NKD2: variants seen among roughly 807,000 people sequenced by gnomAD.
The protein encoded by NKD2 is protein naked cuticle homolog 2.
Under a neutral mutation model 34.8 loss-of-function variants are expected in NKD2, and 43 were observed. The observed-to-expected ratio is 1.24, with a 90% CI of 0.97 to 1.60. NKD2 has a LOEUF of 1.60. NKD2 is among the 40% of genes most tolerant of loss of function. The pLI is 0.00. For missense variants in NKD2, 675 were observed against 627.1 expected, an observed-to-expected ratio of 1.08 and a Z score of -0.82; for synonymous variants, 278 against 265.1, an observed-to-expected ratio of 1.05 and a Z score of -0.47.
chr5:1,012,486 G>A (rs1355774663), intron 3 of NKD2, among the ~76,000 whole-genome samples: 2 of 152,248 alleles, frequency 1.3e-5, no homozygotes, highest in African/African-American at 4.8e-5. Flanking sequence ...TTCTGAGTGT[G>A]CCAACATGGT....
chr5:1,034,250 G>C lies in NKD2; in HGVS notation c.346G>C (p.Val116Leu), dbSNP rs201833588. The change falls in exon 6 of 10, where the codon GTC (valine) becomes CTC (leucine). Residue 116 changes from valine (V) to leucine (L), a missense_variant. Transcript: ENST00000296849. ...RLNIDALQCDVSVEEDDRQEW... is the reference protein window; with the variant it reads ...RLNIDALQCDLSVEEDDRQEW... ...CCCCCCACAGGCACTCCAGTGCGAT[G>C]TCTCGGTGGAGGAGGACGACCGCCA... 3 of 1,612,106 alleles carry C rather than the reference G, an allele frequency of 1.9e-6. No individual in the cohort carries two copies. Among genetic ancestry groups the C allele is most frequent in the Non-Finnish European group, 1.7e-6 (2 of 1,179,812 alleles).
intron 3 of NKD2, among the ~76,000 whole-genome samples, chr5:1,031,886 T>A (rs772820986): frequency 6.6e-6 from 1 of 152,184 alleles, no homozygotes; most frequent in Non-Finnish European, 1.5e-5. Flanking sequence ...CAGCACTGAC[T>A]GAAGGGGTCA....
At chr5:1,036,507 C>CCCA (rs1733950710) in intron 9 of NKD2, 123 bp downstream of exon 9, 2 of 606,952 alleles carry the variant, frequency 3.3e-6, no homozygotes, top group East Asian at 3.0e-5. Flanking sequence ...CCCCCAACCC[C>CCCA]CCCCACCCCA....
chr5:1,011,831 C>T (rs980933320), intron 3 of NKD2, among the ~76,000 whole-genome samples: 1 of 152,262 alleles, frequency 6.6e-6, no homozygotes, highest in African/African-American at 2.4e-5. Flanking sequence ...TCTCTGCACC[C>T]CCGACGTGGC....
intron 3 of NKD2, among the ~76,000 whole-genome samples, chr5:1,028,680 G>A (rs1220309715): frequency 3.3e-5 from 5 of 152,042 alleles, no homozygotes; most frequent in Admixed American, 6.5e-5. Context: ...TAGAGGAGGC[G>A]CCTAGGCACC....
chr5:1,028,648 G>C (rs1031286902), intron 3 of NKD2, among the ~76,000 whole-genome samples: 6 of 152,160 alleles, frequency 3.9e-5, no homozygotes, highest in African/African-American at 1.2e-4. Flanking sequence ...GGTTCTCAGG[G>C]ATGCAGAGCA....
Position 1,038,478 on chromosome 5 carries a change from A to T in NKD2, c.*105A>T, listed in dbSNP as rs1466486444. 1 of 1,527,890 alleles carries T rather than the reference A, an allele frequency of 6.5e-7. No individual in the cohort carries two copies. The highest frequency in any genetic ancestry group is 8.7e-7 in the Non-Finnish European group (1 of 1,144,628). 94.6% of individuals were successfully genotyped at this position (1,527,890 alleles called of 1,614,324 possible). On this transcript the variant is annotated 3_prime_UTR_variant, in exon 10 of 10. Coordinates refer to ENST00000296849, the MANE Select transcript of NKD2 (RefSeq NM_033120.4). This position sits in a 1 kb window ranked among gnomAD's most constrained non-coding sequence, Gnocchi z 4.5. ...TGTGCCCATGGGGAGCCCAGCCCCC[A>T]CCCCCCACCTCCGACAGCAAACAGC...
rs772308804 is a variant in NKD2 at position 1,037,356 on chromosome 5, G to A, written c.788-449G>A. 3.9e-5 allele frequency among the ~76,000 whole-genome samples: 6 copies of A among 152,174 alleles called. No individual in the cohort carries two copies. The South Asian group carries it at 8.3e-4, about 21-fold the overall frequency. On this transcript the variant is annotated intron_variant, in intron 9 of 9. Coordinates refer to ENST00000296849, the MANE Select transcript of NKD2 (RefSeq NM_033120.4). ...TGCTGACCCTGCCCTCCTTGGCCGC[G>A]CTCTGCACAGGAGCTGCACCCTACA...
intron 3 of NKD2, among the ~76,000 whole-genome samples, chr5:1,025,903 C>T (rs531732976): frequency 1.1e-4 from 13 of 120,330 alleles, no homozygotes; most frequent in Non-Finnish European, 1.6e-4. Context: ...GCTCTTCCCA[C>T]CCTCTGTGGG....
intron 3 of NKD2, among the ~76,000 whole-genome samples, chr5:1,020,289 T>C (rs1756122111): frequency 6.6e-6 from 1 of 152,162 alleles, no homozygotes. Flanking sequence ...TATATGTAGG[T>C]GTATGTATGA....
At chr5:1,035,313 A>G in intron 7 of NKD2, 76 bp from the exon 8 acceptor site, 1 of 1,140,240 alleles carries the variant, frequency 8.8e-7, no homozygotes, top group Non-Finnish European at 1.3e-6. Flanking sequence ...TGAGTGAGTT[A>G]ATGAATGAGT....
chr5:1,024,735 A>G (rs867010150), intron 3 of NKD2, among the ~76,000 whole-genome samples: 578 of 7,560 alleles, frequency 0.076, no homozygotes, highest in Non-Finnish European at 0.086. Flanking sequence ...GTCTCAGCCC[A>G]TTGTCCCTGC....
Position 1,038,308 on chromosome 5 carries a change from C to G in NKD2, c.1291C>G (p.His431Asp). 1 of 1,538,666 alleles carries G rather than the reference C, an allele frequency of 6.5e-7. No homozygotes were observed. The highest frequency in any genetic ancestry group is 8.7e-7 in the Non-Finnish European group (1 of 1,147,796). The change falls in exon 10 of 10, where the codon CAC becomes GAC. Residue 431 changes from histidine (H) to aspartate (D), a missense_variant. Coordinates refer to ENST00000296849, the MANE Select transcript of NKD2 (RefSeq NM_033120.4). The surrounding 1 kb of genome is among the most constrained non-coding windows in gnomAD (Gnocchi z 4.5). The part of the protein sequence containing the change: ...EGYAVPVIQR[H>D]EHHHHHEHHH... ...CTACGCGGTGCCAGTGATCCAGCGGCACGAGCACCACCACCACCACGAGCA... is the reference window on the plus strand; with the variant it reads ...CTACGCGGTGCCAGTGATCCAGCGGGACGAGCACCACCACCACCACGAGCA...
At chr5:1,035,975 G>T in intron 8 of NKD2, 1 of 482,004 alleles carries the variant, frequency 2.1e-6, no homozygotes, top group Non-Finnish European at 3.4e-6. Flanking sequence ...TCCCAGAGTG[G>T]TGATCAGGTG....
At position 1,009,177 on chromosome 5, in the gene NKD2, A is replaced by AGCCGCC; in HGVS notation, c.31_36dup. The stretch of plus-strand genomic sequence containing the variant: ...CTCTCCCCGCGTCCCGCCGTGCCGC[A>AGCCGCC]GCCGCCGCCGCCCGCAAGCGGAGAG... On this transcript the variant is annotated splice_acceptor_variant, in intron 1 of 9. Coordinates refer to ENST00000296849, the MANE Select transcript of NKD2 (RefSeq NM_033120.4). LOFTEE classifies it high-confidence loss of function. The surrounding 1 kb of genome is among the most constrained non-coding windows in gnomAD (Gnocchi z 6.9). 9.1e-6 allele frequency: 5 copies of AGCCGCC among 549,968 alleles called. No homozygotes were observed. Among genetic ancestry groups the AGCCGCC allele is most frequent in the Non-Finnish European group, 1.6e-5 (5 of 306,018 alleles). The allele number at this position is 549,968 out of a possible 1,614,324, so 34.1% of individuals were successfully genotyped here. A position where few individuals can be genotyped will look rare whatever the true frequency, so the allele number is the denominator to read the frequency against.
Position 1,038,610 on chromosome 5 carries a change from CATCTGAA to C in NKD2, c.*238_*244del, listed in dbSNP as rs933838343. On this transcript the variant is annotated 3_prime_UTR_variant, in exon 10 of 10. Coordinates refer to ENST00000296849, the MANE Select transcript of NKD2 (RefSeq NM_033120.4). This position sits in a 1 kb window ranked among gnomAD's most constrained non-coding sequence, Gnocchi z 4.5. ...CCTCGATGCCACATGGCGGTGAACA[CATCTGAA>C]GCCACTATGTTTCCTGGCTCTAAGG... The C allele has an allele frequency of 5.2e-5, 40 of 766,184 alleles. No homozygotes were observed. The highest frequency in any genetic ancestry group is 1.7e-4 in the Admixed American group (8 of 47,068). 47.5% of individuals were successfully genotyped at this position (766,184 alleles called of 1,614,324 possible).
Position 1,037,923 on chromosome 5 carries a change from G to A in NKD2, c.906G>A (p.Leu302=), listed in dbSNP as rs760343742. 6.2e-7 allele frequency: 1 copy of A among 1,607,394 alleles called. No individual in the cohort carries two copies. Among genetic ancestry groups the A allele is most frequent in the Admixed American group, 1.7e-5 (1 of 59,824 alleles). The change falls in exon 10 of 10, where the codon CTG becomes CTA. Residue 302 remains leucine (L), a synonymous_variant. Transcript: ENST00000296849. The part of the protein sequence containing the change: ...HAVHHRRSQV[L]VEHVVPASEP... ...TACACCACCGCAGGTCACAGGTGCT[G>A]GTGGAACACGTCGTGCCAGCCTCGG... is the stretch of plus-strand genomic sequence containing the variant.
At chr5:1,030,020 G>A (rs572079569) in intron 3 of NKD2, among the ~76,000 whole-genome samples, 2 of 150,550 alleles carry the variant, frequency 1.3e-5, no homozygotes, top group South Asian at 2.2e-4. Context: ...TGGTGCGGGG[G>A]GGGGGGTACT....
At chr5:1,010,947 G>T (rs1047579237) in intron 3 of NKD2, among the ~76,000 whole-genome samples, 2 of 152,222 alleles carry the variant, frequency 1.3e-5, no homozygotes, top group Admixed American at 6.5e-5. Flanking sequence ...ATGAAGTGCA[G>T]CTCCCAGGGC....
Sources: gnomAD v4.1 joint callset for allele counts (sites outside exome capture counted in the v4.1 genomes callset) on GRCh38, gnomAD v4.1.1 for gene constraint, Gnocchi (gnomAD v3.1) non-coding constraint, MANE v1.5 for transcripts, NCBI Gene and HGNC (gene_info 2026-07-23, HGNC 2026-07-21) for gene names.